The following BTBD9 variants were observed in gnomAD, a reference collection of about 807,000 sequenced individuals.
BTBD9 encodes the protein BTB domain containing 9.
BTBD9 carries 49 observed loss-of-function variants against 64.3 expected under a neutral mutation model. The ratio of observed to expected loss-of-function variants is 0.76; its 90% CI spans 0.61 to 0.97. BTBD9 has a LOEUF of 0.97. BTBD9 is among the 50% of genes least tolerant of loss of function. BTBD9 has a pLI of 0.00. For synonymous variants in BTBD9, 260 were observed against 274.7 expected, an observed-to-expected ratio of 0.95 and a Z score of 0.53; for missense variants, 598 against 762.1, an observed-to-expected ratio of 0.78 and a Z score of 2.53.
In BTBD9 at chr6:38,465,729, ATATATATATATATATATATATATATATG is replaced by A. The variant is rs1365515786; in HGVS notation, c.1154+111843_1154+111870del. Among the ~76,000 whole-genome samples the A allele has an allele frequency of 7.1e-4, 37 of 52,164 alleles. 3 individuals carry two copies. Among genetic ancestry groups the A allele is most frequent in the African/African-American group, 2.5e-3 (35 of 14,164 alleles). The allele number at this position is 52,164 out of a possible 152,430, so 34.2% of individuals were successfully genotyped here. A position where few individuals can be genotyped will look rare whatever the true frequency, so the allele number is the denominator to read the frequency against. ...AAATTATATATATATATATATATAT[ATATATATATATATATATATATATATATG>A]TATGTATGTATGTATTTCAGTTATT... is the stretch of plus-strand genomic sequence containing the variant. On this transcript the variant is annotated intron_variant, in intron 6 of 10. Coordinates refer to ENST00000481247, the MANE Select transcript of BTBD9 (RefSeq NM_001099272.2).
At chr6:38,228,473 G>A (rs1042809756) in intron 9 of BTBD9, among the ~76,000 whole-genome samples, 1 of 152,052 alleles carries the variant, frequency 6.6e-6, no homozygotes, top group Non-Finnish European at 1.5e-5. Context: ...TCTGGTGGAG[G>A]ATGTTGATAC....
At chr6:38,387,163 C>A (rs1766208665) in intron 6 of BTBD9, among the ~76,000 whole-genome samples, 1 of 152,190 alleles carries the variant, frequency 6.6e-6, no homozygotes, top group South Asian at 2.1e-4. Context: ...AATCATGTTT[C>A]TTTTTCAACT....
At chr6:38,334,514 T>A (rs1404846355) in intron 7 of BTBD9, among the ~76,000 whole-genome samples, 1 of 151,848 alleles carries the variant, frequency 6.6e-6, no homozygotes, top group East Asian at 1.9e-4. Context: ...CAGCGGAGGT[T>A]GTAGTGGTTG....
intron 6 of BTBD9, among the ~76,000 whole-genome samples, chr6:38,357,977 G>T (rs1188127532): frequency 6.6e-6 from 1 of 151,960 alleles, no homozygotes; most frequent in East Asian, 1.9e-4. Context: ...TCACCATTCT[G>T]CAGAAAGATT....
Position 38,216,530 on chromosome 6 carries a change from G to T in BTBD9, c.1563-23933C>A, listed in dbSNP as rs979321780. On this transcript the variant is annotated intron_variant, in intron 9 of 10. Transcript: ENST00000481247. ...CCAAGTCTGAGTCCCTGGAGAAGTG[G>T]ATTTTCTGCATGTATAATGGCAGGT... 8.6e-4 allele frequency among the ~76,000 whole-genome samples: 131 copies of T among 152,172 alleles called. 1 individual carries two copies. The highest frequency in any genetic ancestry group is 3.9e-4 in the Admixed American group (6 of 15,284).
At chr6:38,313,646 T>C (rs184538305) in intron 7 of BTBD9, among the ~76,000 whole-genome samples, 1 of 152,318 alleles carries the variant, frequency 6.6e-6, no homozygotes, top group African/African-American at 2.4e-5. Context: ...ATATGGTGTT[T>C]GTCCTTTATT....
chr6:38,192,598 C>T lies in BTBD9; in HGVS notation c.1563-1G>A. On this transcript the variant is annotated splice_acceptor_variant, in intron 9 of 10. Transcript: ENST00000481247. LOFTEE classifies it high-confidence loss of function. ...TTCAAAAGTTACTGACTGCCAGGAC[C>T]TGTGAGAGGAAACAACCATTTGCCT... 1 of 1,613,484 alleles carries T rather than the reference C, an allele frequency of 6.2e-7. No homozygotes were observed. The highest frequency in any genetic ancestry group is 8.5e-7 in the Non-Finnish European group (1 of 1,179,698).
chr6:38,499,921 ATTC>A (rs1772120426), intron 6 of BTBD9, among the ~76,000 whole-genome samples: 1 of 152,224 alleles, frequency 6.6e-6, no homozygotes. Context: ...ATGTGCCCAC[ATTC>A]TTTTCAGAGA....
At chr6:38,619,159 G>T (rs1475438989) in intron 1 of BTBD9, among the ~76,000 whole-genome samples, 1 of 152,132 alleles carries the variant, frequency 6.6e-6, no homozygotes, top group African/African-American at 2.4e-5. Flanking sequence ...CTCCCTCAAG[G>T]ATCAATTGAT....
intron 6 of BTBD9, among the ~76,000 whole-genome samples, chr6:38,464,257 T>C (rs1053187761): frequency 1.3e-5 from 2 of 152,124 alleles, no homozygotes; most frequent in Non-Finnish European, 2.9e-5. Flanking sequence ...AGAAAATAAA[T>C]TTCTGTTGTT....
intron 9 of BTBD9, among the ~76,000 whole-genome samples, chr6:38,219,129 C>CTTTTTTTTTTT (rs5875622): frequency 2.8e-5 from 2 of 70,894 alleles, no homozygotes; most frequent in African/African-American, 6.3e-5. Context: ...ACTTTCTTTT[C>CTTTTTTTTTTT]TTTTTTTTTT....
chr6:38,415,917 G>A (rs577622739), intron 6 of BTBD9, among the ~76,000 whole-genome samples: 39 of 152,026 alleles, frequency 2.6e-4, no homozygotes, highest in African/African-American at 8.7e-4. Context: ...CACTGACTTC[G>A]GGATCAAGTT....
intron 9 of BTBD9, among the ~76,000 whole-genome samples, chr6:38,249,630 C>A (rs182730334): frequency 7.4e-4 from 112 of 152,124 alleles, no homozygotes; most frequent in African/African-American, 2.5e-3. Context: ...GAATGGGAAA[C>A]ACAGCAAGCC....
intron 8 of BTBD9, among the ~76,000 whole-genome samples, chr6:38,262,975 G>T (rs1306959202): frequency 4.6e-5 from 7 of 152,200 alleles, no homozygotes; most frequent in Non-Finnish European, 1.0e-4. Flanking sequence ...TCATTTGTGG[G>T]AAATTCCACT....
chr6:38,592,487 C>A, intron 4 of BTBD9, 89 bp downstream of exon 4: 1 of 1,422,950 alleles, frequency 7.0e-7, no homozygotes, highest in Admixed American at 1.8e-5. Context: ...TACACCTGCA[C>A]TACACGGTTC....
chr6:38,203,515 C>T (rs1258279654), intron 9 of BTBD9, among the ~76,000 whole-genome samples: 3 of 152,002 alleles, frequency 2.0e-5, no homozygotes, highest in Non-Finnish European at 4.4e-5. Context: ...CATCAATGGA[C>T]GTAAGGGTAA....
intron 6 of BTBD9, among the ~76,000 whole-genome samples, chr6:38,457,946 C>G (rs1243570703): frequency 6.6e-6 from 1 of 152,116 alleles, no homozygotes; most frequent in Non-Finnish European, 1.5e-5. Flanking sequence ...GGAACTCACA[C>G]AGGCATGATA....
chr6:38,375,938 A>AGAAG (rs777210578), intron 6 of BTBD9, among the ~76,000 whole-genome samples: 4 of 104,650 alleles, frequency 3.8e-5, no homozygotes, highest in African/African-American at 8.3e-5. Context: ...AAAGAAAGAA[A>AGAAG]GAAGGAAAGA....
At chr6:38,511,337 T>C (rs1475968731) in intron 6 of BTBD9, among the ~76,000 whole-genome samples, 1 of 141,006 alleles carries the variant, frequency 7.1e-6, no homozygotes, top group Non-Finnish European at 1.5e-5. Context: ...ATTTTGGAAA[T>C]GCCTTTTTTT....
Sources: allele counts gnomAD v4.1 joint callset (sites outside exome capture counted in the v4.1 genomes callset), GRCh38; gene constraint gnomAD v4.1.1; transcripts MANE v1.5; gene names NCBI Gene and HGNC (gene_info 2026-07-23, HGNC 2026-07-21).